HIPK2: variants seen among roughly 807,000 people sequenced by gnomAD.
HIPK2 encodes homeodomain-interacting protein kinase 2.
HIPK2 carries 27 observed loss-of-function variants against 113.7 expected under a neutral mutation model. That is an observed-to-expected ratio of 0.24 (90% CI 0.17 to 0.33). The LOEUF is 0.33. Among genes scored for constraint, HIPK2 ranks in the 10% least tolerant of loss-of-function variants. The pLI, the probability that HIPK2 is intolerant of heterozygous loss-of-function variation, is 1.00. For synonymous variants in HIPK2, 631 were observed against 642.2 expected, an observed-to-expected ratio of 0.98 and a Z score of 0.26; for missense variants, 1,257 against 1,588.0, an observed-to-expected ratio of 0.79 and a Z score of 3.54.
At position 139,600,575 on chromosome 7, in the gene HIPK2, G is replaced by T; in HGVS notation, c.2277C>A (p.Ser759Arg). The change falls in exon 11 of 15, where the codon AGC (serine) becomes AGA (arginine). Residue 759 changes from serine to arginine, a missense_variant. Ser to Arg is a moderately radical substitution (Grantham distance 110, BLOSUM62 -1). Around this residue, in one of 5 missense-constraint regions of HIPK2, gnomAD observed 862 missense variants for 1,004.3 expected, o/e 0.86. Coordinates refer to ENST00000406875, the MANE Select transcript of HIPK2 (RefSeq NM_022740.5). The part of the protein sequence containing the change: ...ADWRNTHAHG[S>R]HYNPIMQQPA... ...GCTGCTGCATGATGGGATTATAATG[G>T]CTTCCGTGAGCATGCGTATTTCTGA... is the stretch of plus-strand genomic sequence containing the variant. The T allele has an allele frequency of 1.2e-6, 2 of 1,613,894 alleles. No individual in the cohort carries two copies. Among genetic ancestry groups the T allele is most frequent in the Non-Finnish European group, 1.7e-6 (2 of 1,179,822 alleles).
chr7:139,696,744 G>A (rs1247675945), intron 2 of HIPK2, among the ~76,000 whole-genome samples: 1 of 152,100 alleles, frequency 6.6e-6, no homozygotes, highest in African/African-American at 2.4e-5. Context: ...GAGTAAAGGG[G>A]GAAGAGTCAC....
chr7:139,695,680 T>C (rs946602607), intron 2 of HIPK2, among the ~76,000 whole-genome samples: 33 of 151,928 alleles, frequency 2.2e-4, no homozygotes, highest in African/African-American at 7.5e-4. Flanking sequence ...ACACTCAAGA[T>C]GAAAATTTAG....
At chr7:139,721,137 G>A (rs890945255) in intron 1 of HIPK2, among the ~76,000 whole-genome samples, 4 of 152,170 alleles carry the variant, frequency 2.6e-5, no homozygotes, top group African/African-American at 9.7e-5. Context: ...GTCAACAGCC[G>A]CTATTCCAAT....
intron 7 of HIPK2, among the ~76,000 whole-genome samples, chr7:139,619,320 T>C (rs1306817619): frequency 2.6e-5 from 4 of 152,190 alleles, no homozygotes; most frequent in African/African-American, 7.2e-5. Context: ...CAGATTGATA[T>C]TAAGAACAAA....
chr7:139,693,795 A>G (rs989963478), intron 2 of HIPK2, among the ~76,000 whole-genome samples: 1 of 152,198 alleles, frequency 6.6e-6, no homozygotes, highest in Admixed American at 6.5e-5. Context: ...GTATACACAC[A>G]TGATATCTTT....
intron 2 of HIPK2, among the ~76,000 whole-genome samples, chr7:139,646,877 G>C (rs1801252417): frequency 6.6e-6 from 1 of 152,106 alleles, no homozygotes; most frequent in African/African-American, 2.4e-5. Context: ...CAGCACCTGA[G>C]ACTCTTGGTG....
Position 139,572,660 on chromosome 7 carries a change from C to G in HIPK2, c.*267G>C, listed in dbSNP as rs1798320503. ...AAAATAAAAACCATAGATTTCCCAC[C>G]CTCTTTAATCCCTTCCTTTTAAAAA... is the stretch of plus-strand genomic sequence containing the variant. On this transcript the variant is annotated 3_prime_UTR_variant, in exon 15 of 15. Transcript: ENST00000406875. 2.8e-6 allele frequency: 1 copy of G among 363,186 alleles called. No individual in the cohort carries two copies. The allele number at this position is 363,186 out of a possible 1,614,324, so 22.5% of individuals were successfully genotyped here.
chr7:139,758,243 A>G (rs996675945), intron 1 of HIPK2, among the ~76,000 whole-genome samples: 1 of 152,194 alleles, frequency 6.6e-6, no homozygotes, highest in Non-Finnish European at 1.5e-5. Context: ...TTCAGATATG[A>G]AAAGATGATA....
At chr7:139,726,414 G>T (rs1795576182) in intron 1 of HIPK2, among the ~76,000 whole-genome samples, 1 of 152,192 alleles carries the variant, frequency 6.6e-6, no homozygotes, top group African/African-American at 2.4e-5. Context: ...GAGGGGACTA[G>T]AACACATTTG....
At chr7:139,724,315 C>A (rs1569481286) in intron 1 of HIPK2, among the ~76,000 whole-genome samples, 1 of 152,026 alleles carries the variant, frequency 6.6e-6, no homozygotes, top group Non-Finnish European at 1.5e-5. Context: ...AATAATCCTG[C>A]TTATTAAGTT....
At position 139,714,856 on chromosome 7, in the gene HIPK2, C is replaced by A. The variant is rs1795173688; in HGVS notation, c.1103+1076G>T. Among the ~76,000 whole-genome samples the A allele has an allele frequency of 6.6e-6, 1 of 152,246 alleles. No individual in the cohort carries two copies. Among genetic ancestry groups the A allele is most frequent in the South Asian group, 2.1e-4 (1 of 4,836 alleles). ...ATCCCTGCCGCCTCCCCGCTGTGCA[C>A]CCGCCATGGCCAGCCACGGAGTGAC... On this transcript the variant is annotated intron_variant, in intron 2 of 14. Transcript: ENST00000406875. This position sits in a 1 kb window ranked among gnomAD's most constrained non-coding sequence, Gnocchi z 4.2.
At position 139,562,558 on chromosome 7, in the gene HIPK2, A is replaced by G. The variant is rs1797977670; in HGVS notation, c.*10369T>C. 1 of 152,252 alleles carries G rather than the reference A, an allele frequency of 6.6e-6. No homozygotes were observed. The allele number at this position is 152,252 out of a possible 1,614,324, so 9.4% of individuals were successfully genotyped here. ...GGCTGCAGCTCAGTACACGTGGTCA[A>G]AGCAAAACGGGATGGAAACTTCCAG... On this transcript the variant is annotated 3_prime_UTR_variant, in exon 15 of 15. Transcript: ENST00000406875.
At chr7:139,670,581 G>GA (rs900995210) in intron 2 of HIPK2, among the ~76,000 whole-genome samples, 63 of 128,932 alleles carry the variant, frequency 4.9e-4, no homozygotes, top group South Asian at 1.2e-3. Context: ...ACCCTGTCTT[G>GA]AAAAAAAAAA....
intron 2 of HIPK2, among the ~76,000 whole-genome samples, chr7:139,688,163 T>G (rs1794285621): frequency 6.6e-6 from 1 of 152,076 alleles, no homozygotes; most frequent in African/African-American, 2.4e-5. Flanking sequence ...ACCCCATCCC[T>G]CTTCTTGCCC....
In HIPK2 at chr7:139,600,573, T is replaced by A; in HGVS notation, c.2279A>T (p.His760Leu). ...DWRNTHAHGS[H>L]YNPIMQQPAL... ...AGGCTGCTGCATGATGGGATTATAA[T>A]GGCTTCCGTGAGCATGCGTATTTCT... Residue 760 changes from histidine (H) to leucine (L), a missense_variant, in exon 11 of 15, where the codon CAT (histidine) becomes CTT (leucine). Around this residue, in one of 5 missense-constraint regions of HIPK2, gnomAD observed 862 missense variants for 1,004.3 expected, o/e 0.86. Coordinates refer to ENST00000406875, the MANE Select transcript of HIPK2 (RefSeq NM_022740.5). The A allele has an allele frequency of 6.2e-7, 1 of 1,613,974 alleles. No homozygotes were observed. The highest frequency in any genetic ancestry group is 8.5e-7 in the Non-Finnish European group (1 of 1,179,858).
intron 13 of HIPK2, among the ~76,000 whole-genome samples, chr7:139,575,698 A>C (rs1044895213): frequency 2.6e-5 from 4 of 152,224 alleles, no homozygotes; most frequent in African/African-American, 9.6e-5. Context: ...CTTAGTCCCC[A>C]GTGCAAGTGT....
chr7:139,583,036 T>C (rs528813055), intron 13 of HIPK2, among the ~76,000 whole-genome samples: 9 of 152,374 alleles, frequency 5.9e-5, no homozygotes, highest in African/African-American at 2.2e-4. Flanking sequence ...TGGCGTTCCC[T>C]TTCCTTCCCT....
In HIPK2 at chr7:139,777,615, G is replaced by T. The variant is rs897427766; in HGVS notation, c.9C>A (p.Pro3=). The part of the protein sequence containing the change: MA[P]VYEGMASHVQ... ...CCGGGCGCCCCTTACCTTCGTACAC[G>T]GGGGCCATCGGGGCCGGGGTGTCCG... Residue 3 remains proline, a synonymous_variant, in exon 1 of 15, where the codon CCC becomes CCA. Coordinates refer to ENST00000406875, the MANE Select transcript of HIPK2 (RefSeq NM_022740.5). The T allele has an allele frequency of 4.7e-6, 5 of 1,073,964 alleles. No individual in the cohort carries two copies. Among genetic ancestry groups the T allele is most frequent in the Admixed American group, 5.4e-5 (1 of 18,478 alleles). 66.5% of individuals were successfully genotyped at this position (1,073,964 alleles called of 1,614,324 possible).
At chr7:139,573,675 C>T (rs187576797) in intron 14 of HIPK2, among the ~76,000 whole-genome samples, 195 of 152,128 alleles carry the variant, frequency 1.3e-3, no homozygotes, top group Non-Finnish European at 2.3e-3. Flanking sequence ...AACCCCGTCT[C>T]TACTAAAATA....
Sources: allele counts gnomAD v4.1 joint callset (sites outside exome capture counted in the v4.1 genomes callset), GRCh38; gene constraint gnomAD v4.1.1; regional missense constraint gnomAD v4.1.1; non-coding constraint Gnocchi (gnomAD v3.1); transcripts MANE v1.5; gene names NCBI Gene and HGNC (gene_info 2026-07-23, HGNC 2026-07-21).